FSHR: variants seen among roughly 807,000 people sequenced by gnomAD.
FSHR encodes follicle stimulating hormone receptor, also known as follicle-stimulating hormone receptor.
FSHR carries 46 observed loss-of-function variants against 52.1 expected under a neutral mutation model. The ratio of observed to expected loss-of-function variants is 0.88; its 90% CI spans 0.70 to 1.13. The LOEUF is 1.13. Ranked by LOEUF, FSHR falls within the 50% of genes most tolerant of loss-of-function variation. The pLI is 0.00. For synonymous variants in FSHR, 399 were observed against 309.6 expected (o/e 1.29, Z -3.03); for missense variants, 964 against 834.6 (o/e 1.16, Z -1.91).
Position 48,963,916 on chromosome 2 carries a change from T to A in FSHR, c.905A>T (p.Asp302Val). 6.2e-7 allele frequency: 1 copy of A among 1,613,974 alleles called. No individual in the cohort carries two copies. The highest frequency in any genetic ancestry group is 8.5e-7 in the Non-Finnish European group (1 of 1,179,918). The change falls in exon 10 of 10, where the codon GAT (aspartate) becomes GTT (valine). Residue 302 changes from aspartate to valine, a missense_variant. Physicochemically the swap from Asp to Val is radical, Grantham distance 152. Transcript: ENST00000406846. The stretch of plus-strand genomic sequence containing the variant: ...CTGACCCCTAGCCTGAGTCATATAA[T>A]CAACTTCTTGCCTTAAAATAGATTT... ...CNKSILRQEV[D>V]YMTQARGQRS...
intron 1 of FSHR, among the ~76,000 whole-genome samples, chr2:49,153,305 C>T (rs900332525): frequency 1.3e-5 from 2 of 152,188 alleles, no homozygotes; most frequent in Non-Finnish European, 2.9e-5. Flanking sequence ...AATAAAAACA[C>T]AGAGAGTATC....
chr2:49,134,351 G>A (rs1225199494), intron 1 of FSHR, among the ~76,000 whole-genome samples: 2 of 152,188 alleles, frequency 1.3e-5, no homozygotes, highest in South Asian at 2.1e-4. Context: ...AATGCAAATC[G>A]AAACCACAAT....
chr2:49,098,813 CTTATATATTATTATATA>C (rs1670920606), intron 1 of FSHR, among the ~76,000 whole-genome samples: 2 of 144,372 alleles, frequency 1.4e-5, no homozygotes, highest in South Asian at 2.1e-4. Flanking sequence ...AATATGTATA[CTTATATATTATTATATA>C]TTATATATTA....
chr2:49,113,555 C>T (rs1477654508), intron 1 of FSHR, among the ~76,000 whole-genome samples: 1 of 152,156 alleles, frequency 6.6e-6, no homozygotes, highest in Non-Finnish European at 1.5e-5. Context: ...CCATTCAAAT[C>T]TTTTTTGTTT....
At chr2:49,141,222 G>A (rs1232718068) in intron 1 of FSHR, among the ~76,000 whole-genome samples, 3 of 151,886 alleles carry the variant, frequency 2.0e-5, no homozygotes, top group Admixed American at 6.6e-5. Flanking sequence ...TCCTCATGGA[G>A]TAGTTGCTTG....
At chr2:48,980,095 C>G (rs546354768) in intron 8 of FSHR, among the ~76,000 whole-genome samples, 51 of 152,274 alleles carry the variant, frequency 3.3e-4, no homozygotes, top group African/African-American at 1.2e-3. Flanking sequence ...TGAAGAACAT[C>G]TATGGACTGA....
At chr2:49,070,571 T>C (rs1360108841) in intron 1 of FSHR, among the ~76,000 whole-genome samples, 1 of 152,118 alleles carries the variant, frequency 6.6e-6, no homozygotes, top group African/African-American at 2.4e-5. Flanking sequence ...AAGTAAAATA[T>C]TAATTAACGA....
chr2:49,061,532 A>G (rs557521861), intron 2 of FSHR, among the ~76,000 whole-genome samples: 1 of 146,714 alleles, frequency 6.8e-6, no homozygotes, highest in African/African-American at 2.5e-5. Context: ...ATATATTTAG[A>G]TATATAAAAA....
At chr2:49,022,965 C>A (rs1246263544) in intron 2 of FSHR, among the ~76,000 whole-genome samples, 1 of 152,128 alleles carries the variant, frequency 6.6e-6, no homozygotes, top group Non-Finnish European at 1.5e-5. Flanking sequence ...GGCCTGAGGT[C>A]CTGCATTTCT....
intron 2 of FSHR, among the ~76,000 whole-genome samples, chr2:49,038,630 AATAAT>A (rs1558404930): frequency 0.12 from 5,580 of 47,928 alleles, 580 homozygotes; most frequent in East Asian, 0.19. Context: ...GTCTCAAAAT[AATAAT>A]AATAATAATA....
At chr2:48,999,959 C>T (rs1471923576) in intron 4 of FSHR, among the ~76,000 whole-genome samples, 1 of 152,026 alleles carries the variant, frequency 6.6e-6, no homozygotes, top group Non-Finnish European at 1.5e-5. Context: ...ACTAATTCTT[C>T]AAAAAGACTA....
At chr2:49,150,883 T>C (rs1163650693) in intron 1 of FSHR, among the ~76,000 whole-genome samples, 1 of 151,986 alleles carries the variant, frequency 6.6e-6, no homozygotes, top group Non-Finnish European at 1.5e-5. Flanking sequence ...TGTTTTTCTA[T>C]GGCCAGTAAG....
At chr2:48,968,270 T>A (rs2072489) in intron 9 of FSHR, among the ~76,000 whole-genome samples, 13,935 of 152,192 alleles carry the variant, frequency 0.092, 888 homozygotes, top group East Asian at 0.24. Flanking sequence ...GGCAGATATG[T>A]ACATCAGTCT....
intron 1 of FSHR, among the ~76,000 whole-genome samples, chr2:49,120,652 C>G (rs1310969100): frequency 2.6e-5 from 4 of 152,204 alleles, no homozygotes; most frequent in Non-Finnish European, 4.4e-5. Flanking sequence ...GCTAGACACA[C>G]TTTCTGGGTT....
Position 49,154,387 on chromosome 2 carries a change from A to C in FSHR, c.31T>G (p.Phe11Val), listed in dbSNP as rs551113676. 4.8e-5 allele frequency: 78 copies of C among 1,613,126 alleles called. No individual in the cohort carries two copies. The Middle Eastern group carries it at 5.6e-4, about 12-fold the overall frequency. The change falls in exon 1 of 10, where the codon TTC (phenylalanine) becomes GTC (valine). Residue 11 changes from phenylalanine (F) to valine (V), a missense_variant. Transcript: ENST00000406846. ...TGACATCCTGAGCCCAAGCTCAGGA[A>C]TGCCAGCAAAGAGACCAGGAGCAGG... MALLLVSLLA[F>V]LSLGSGCHHR...
intron 2 of FSHR, among the ~76,000 whole-genome samples, chr2:49,059,141 G>A (rs950370883): frequency 6.6e-6 from 1 of 152,026 alleles, no homozygotes; most frequent in African/African-American, 2.4e-5. Flanking sequence ...GGAGTTTGAG[G>A]CTGCAGTGAG....
At chr2:49,051,990 A>C (rs1228344643) in intron 2 of FSHR, among the ~76,000 whole-genome samples, 2 of 152,156 alleles carry the variant, frequency 1.3e-5, no homozygotes, top group Non-Finnish European at 2.9e-5. Flanking sequence ...CACTTTTGGG[A>C]TATAGATGAT....
intron 1 of FSHR, among the ~76,000 whole-genome samples, chr2:49,125,269 G>T (rs1671957436): frequency 6.6e-6 from 1 of 152,002 alleles, no homozygotes; most frequent in Non-Finnish European, 1.5e-5. Flanking sequence ...AAGAGGAATT[G>T]TCTTGGGCCA....
At chr2:49,075,543 G>T (rs192117350) in intron 1 of FSHR, among the ~76,000 whole-genome samples, 1 of 152,050 alleles carries the variant, frequency 6.6e-6, no homozygotes, top group Non-Finnish European at 1.5e-5. Flanking sequence ...GAGAAAAAAA[G>T]CACCCAAACA....
Sources: gnomAD v4.1 joint callset for allele counts (sites outside exome capture counted in the v4.1 genomes callset) on GRCh38, gnomAD v4.1.1 for gene constraint, MANE v1.5 for transcripts, NCBI Gene and HGNC (gene_info 2026-07-23, HGNC 2026-07-21) for gene names.